The following HDX variants were observed in gnomAD, a reference collection of about 807,000 sequenced individuals.
HDX encodes highly divergent homeobox.
A neutral mutation model predicts 45.2 loss-of-function variants in HDX; 19 were observed. The observed-to-expected ratio is 0.42, with a 90% CI of 0.29 to 0.62. The LOEUF (loss-of-function observed/expected upper bound fraction) is 0.62. HDX is among the 20% of genes least tolerant of loss of function. HDX has a pLI of 0.20. For synonymous variants in HDX, 188 were observed against 172.8 expected, an observed-to-expected ratio of 1.09 and a Z score of -0.69; for missense variants, 532 against 493.9, an observed-to-expected ratio of 1.08 and a Z score of -0.73.
chrX:84,482,698 C>A, intron 2 of HDX, among the ~76,000 whole-genome samples: 1 of 110,922 alleles, frequency 9.0e-6, no homozygotes, highest in Non-Finnish European at 1.9e-5. Flanking sequence ...CTGGCCCTTC[C>A]CAAATCTCAT....
intron 5 of HDX, among the ~76,000 whole-genome samples, chrX:84,398,876 C>T (rs373127023): frequency 1.8e-5 from 2 of 111,584 alleles, no homozygotes; most frequent in East Asian, 5.6e-4. Context: ...TCCCTCAGAC[C>T]ACAGTACAAC....
At chrX:84,498,217 C>G (rs928012204) in intron 1 of HDX, among the ~76,000 whole-genome samples, 3 of 111,749 alleles carry the variant, frequency 2.7e-5, no homozygotes, top group Non-Finnish European at 3.8e-5. Context: ...AATTGACTAA[C>G]AGTATAATTT....
chrX:84,348,896 C>T lies in HDX; in HGVS notation c.1453-4439G>A, dbSNP rs753836826. Among the ~76,000 whole-genome samples the T allele has an allele frequency of 2.6e-3, 285 of 111,746 alleles. 2 individuals are homozygous for T. The highest frequency in any genetic ancestry group is 8.9e-3 in the African/African-American group (274 of 30,776). ...TTAAAAGCAGGCTTTCTTAACAGAACGTTCTAATGTTTCTTAAAAATTGTT... is the reference window on the plus strand; with the variant it reads ...TTAAAAGCAGGCTTTCTTAACAGAATGTTCTAATGTTTCTTAAAAATTGTT... On this transcript the variant is annotated intron_variant, in intron 6 of 10. Transcript: ENST00000373177.
intron 5 of HDX, among the ~76,000 whole-genome samples, chrX:84,394,057 T>G (rs923641718): frequency 4.5e-5 from 5 of 111,258 alleles, no homozygotes; most frequent in Non-Finnish European, 9.5e-5. Flanking sequence ...TTTGATTTTT[T>G]TCTTGCTTTT....
At chrX:84,372,024 G>A (rs994724477) in intron 5 of HDX, among the ~76,000 whole-genome samples, 3 of 111,991 alleles carry the variant, frequency 2.7e-5, no homozygotes, top group Non-Finnish European at 5.6e-5. Flanking sequence ...ACAAGAAAAT[G>A]TAATTTGAAA....
At chrX:84,461,210 C>G (rs1482329474) in intron 4 of HDX, among the ~76,000 whole-genome samples, 1 of 111,543 alleles carries the variant, frequency 9.0e-6, no homozygotes, top group East Asian at 2.8e-4. Flanking sequence ...ACCAGAATAT[C>G]CAAAGCTATC....
At chrX:84,479,543 A>G (rs2040630069) in intron 2 of HDX, among the ~76,000 whole-genome samples, 1 of 112,071 alleles carries the variant, frequency 8.9e-6, no homozygotes, top group Non-Finnish European at 1.9e-5. Flanking sequence ...TGTGCAGGTA[A>G]GTTTTCATTT....
chrX:84,322,563 G>A (rs2036618682), intron 10 of HDX, among the ~76,000 whole-genome samples: 1 of 110,644 alleles, frequency 9.0e-6, no homozygotes, highest in South Asian at 3.8e-4. Context: ...CTAAGGCTAT[G>A]TTCATACCTA....
chrX:84,423,533 A>G (rs2039316885), intron 5 of HDX, among the ~76,000 whole-genome samples: 1 of 108,759 alleles, frequency 9.2e-6, no homozygotes, highest in Non-Finnish European at 1.9e-5. Flanking sequence ...AGGCCAATAT[A>G]TCTGGTGAAT....
At chrX:84,382,206 C>T (rs925712397) in intron 5 of HDX, among the ~76,000 whole-genome samples, 2 of 110,750 alleles carry the variant, frequency 1.8e-5, no homozygotes, top group Admixed American at 1.9e-4. Context: ...CAAATTCTGG[C>T]GAGGATGTGG....
At chrX:84,474,299 A>G (rs2040505992) in intron 3 of HDX, among the ~76,000 whole-genome samples, 1 of 112,425 alleles carries the variant, frequency 8.9e-6, no homozygotes, top group African/African-American at 3.2e-5. Flanking sequence ...TTTCAAAAAA[A>G]AGAAAAAAAT....
chrX:84,351,494 G>T (rs769913258), intron 6 of HDX, among the ~76,000 whole-genome samples: 6 of 110,987 alleles, frequency 5.4e-5, no homozygotes, highest in Non-Finnish European at 1.1e-4. Flanking sequence ...GTTTTTCCCC[G>T]TGGTATTTGG....
rs1465705907 is a variant in HDX, at chrX:84,351,044, TATCTATCTATC to T, written c.1453-6598_1453-6588del. ...CTATCTATCTATCTATCTATCTATCTATCTATCTATCATCTATCTATCTTATGACAGTCACA... is the reference window on the plus strand; with the variant it reads ...CTATCTATCTATCTATCTATCTATCTATCTATCTATCTTATGACAGTCACA... On this transcript the variant is annotated intron_variant, in intron 6 of 10. Coordinates refer to ENST00000373177, the MANE Select transcript of HDX (RefSeq NM_001177479.2). Among the ~76,000 whole-genome samples, 6 of 108,831 alleles carry T rather than the reference TATCTATCTATC, an allele frequency of 5.5e-5. No individual in the cohort carries two copies. In the East Asian group the frequency reaches 1.8e-3, roughly 33 times the overall value. 94.5% of individuals were successfully genotyped at this position (108,831 alleles called of 115,157 possible).
At chrX:84,479,472 T>C (rs1008496843) in intron 2 of HDX, among the ~76,000 whole-genome samples, 1 of 112,326 alleles carries the variant, frequency 8.9e-6, no homozygotes, top group Non-Finnish European at 1.9e-5. Context: ...ACATTGAATC[T>C]GCTTTAAGTT....
At chrX:84,488,416 C>T (rs748548552) in intron 1 of HDX, among the ~76,000 whole-genome samples, 1 of 109,255 alleles carries the variant, frequency 9.2e-6, no homozygotes, top group East Asian at 2.9e-4. Context: ...ATACAAATAA[C>T]TACACTTTTG....
At chrX:84,499,263 A>C (rs1369743544) in intron 1 of HDX, among the ~76,000 whole-genome samples, 1 of 111,489 alleles carries the variant, frequency 9.0e-6, no homozygotes, top group Non-Finnish European at 1.9e-5. Context: ...TCCCAACTTA[A>C]ACTCTACAAC....
chrX:84,409,062 G>A (rs1569323446), intron 5 of HDX, among the ~76,000 whole-genome samples: 2 of 110,852 alleles, frequency 1.8e-5, no homozygotes, highest in East Asian at 2.8e-4. Context: ...AGTGAGCGAA[G>A]GATATGAACA....
intron 5 of HDX, among the ~76,000 whole-genome samples, chrX:84,418,257 G>T (rs772103191): frequency 8.9e-6 from 1 of 111,931 alleles, no homozygotes; most frequent in South Asian, 3.7e-4. Context: ...TTACCTTAAG[G>T]AAATGAAAAT....
At chrX:84,418,043 T>G (rs2039156165) in intron 5 of HDX, among the ~76,000 whole-genome samples, 3 of 111,918 alleles carry the variant, frequency 2.7e-5, no homozygotes, top group Non-Finnish European at 5.6e-5. Context: ...AAAAAACAAC[T>G]ACTGAATGGG....
Sources: gnomAD v4.1 joint callset for allele counts (sites outside exome capture counted in the v4.1 genomes callset) on GRCh38, gnomAD v4.1.1 for gene constraint, MANE v1.5 for transcripts, NCBI Gene and HGNC (gene_info 2026-07-23, HGNC 2026-07-21) for gene names.